COL21A1: variants seen among roughly 807,000 people sequenced by gnomAD.
The protein encoded by COL21A1 is collagen alpha-1(XXI) chain.
COL21A1 carries 149 observed loss-of-function variants against 137.9 expected under a neutral mutation model. That is an observed-to-expected ratio of 1.08 (90% CI 0.95 to 1.24). The LOEUF (loss-of-function observed/expected upper bound fraction) is 1.24. Among genes scored for constraint, COL21A1 ranks in the 50% most tolerant of loss-of-function variants. The probability of loss-of-function intolerance (pLI) is 0.00; values close to 1 mark genes in which losing one functional copy is unlikely to be tolerated. For missense variants in COL21A1, 1,167 were observed against 1,158.4 expected (o/e 1.01, Z -0.11); for synonymous variants, 456 against 391.5 (o/e 1.16, Z -1.95).
At chr6:56,297,503 A>G (rs1324111143) in intron 1 of COL21A1, among the ~76,000 whole-genome samples, 1 of 152,126 alleles carries the variant, frequency 6.6e-6, no homozygotes, top group Non-Finnish European at 1.5e-5. Context: ...ATGTTCTGGC[A>G]TATTGTGAAA....
chr6:56,257,667 G>T (rs1582736824), intron 1 of COL21A1, among the ~76,000 whole-genome samples: 1 of 152,036 alleles, frequency 6.6e-6, no homozygotes, highest in Non-Finnish European at 1.5e-5. Flanking sequence ...TCCTGTGAAA[G>T]CAGCCACAGA....
At position 56,166,997 on chromosome 6, in the gene COL21A1, C is replaced by T; in HGVS notation, c.1201-14G>A. The stretch of plus-strand genomic sequence containing the variant: ...TTGGACATCAAACTAAGAACATAAA[C>T]CCAGTAGAATTAAAGTTGAGGCACA... On this transcript the variant is annotated splice_polypyrimidine_tract_variant and intron_variant, in intron 6 of 29. Coordinates refer to ENST00000244728, the MANE Select transcript of COL21A1 (RefSeq NM_030820.4). The T allele has an allele frequency of 6.3e-7, 1 of 1,599,916 alleles. No homozygotes were observed.
intron 1 of COL21A1, among the ~76,000 whole-genome samples, chr6:56,291,461 C>A (rs1764040832): frequency 6.6e-6 from 1 of 152,236 alleles, no homozygotes; most frequent in African/African-American, 2.4e-5. Flanking sequence ...CAGGCGGATG[C>A]CTTCTCCCAC....
chr6:56,081,224 C>T (rs1469625792), intron 17 of COL21A1, among the ~76,000 whole-genome samples: 1 of 151,626 alleles, frequency 6.6e-6, no homozygotes, highest in Non-Finnish European at 1.5e-5. Context: ...CCTCTTTCTC[C>T]ATTGTAAGGC....
Position 56,159,634 on chromosome 6 carries a change from C to CTT in COL21A1, c.1372-2687_1372-2686dup, listed in dbSNP as rs11449474. ...GTGTAAGCCACCATGCCTGGCCTTACTTTTTTTTTTTTTTTTTTTTGGTAC... is the reference window on the plus strand; with the variant it reads ...GTGTAAGCCACCATGCCTGGCCTTACTTTTTTTTTTTTTTTTTTTTTTGGTAC... On this transcript the variant is annotated intron_variant, in intron 9 of 29. Transcript: ENST00000244728. Among the ~76,000 whole-genome samples the CTT allele has an allele frequency of 8.8e-3, 1,087 of 123,508 alleles. 14 individuals carry two copies. Among genetic ancestry groups the CTT allele is most frequent in the African/African-American group, 0.02 (657 of 32,648 alleles). The allele number at this position is 123,508 out of a possible 152,430, so 81.0% of individuals were successfully genotyped here.
chr6:56,324,455 A>G (rs943232018), intron 1 of COL21A1, among the ~76,000 whole-genome samples: 4 of 152,054 alleles, frequency 2.6e-5, no homozygotes, highest in Non-Finnish European at 5.9e-5. Flanking sequence ...GTTGCCTTGA[A>G]TCGTCAGCAG....
At chr6:56,178,096 A>AG (rs1357332725) in intron 3 of COL21A1, among the ~76,000 whole-genome samples, 1 of 152,180 alleles carries the variant, frequency 6.6e-6, no homozygotes, top group Non-Finnish European at 1.5e-5. Context: ...ACAGATCCAC[A>AG]GAAAAAGTCT....
At chr6:56,263,505 G>A (rs181425800) in intron 1 of COL21A1, among the ~76,000 whole-genome samples, 93 of 152,318 alleles carry the variant, frequency 6.1e-4, no homozygotes, top group Admixed American at 3.1e-3. Context: ...GGTATCAAGC[G>A]TTGGAAGCTT....
intron 10 of COL21A1, among the ~76,000 whole-genome samples, chr6:56,146,174 A>G (rs1774820446): frequency 6.6e-6 from 1 of 152,146 alleles, no homozygotes; most frequent in Non-Finnish European, 1.5e-5. Flanking sequence ...AATTCCAAAG[A>G]AATAATTTTG....
intron 1 of COL21A1, among the ~76,000 whole-genome samples, chr6:56,375,878 T>A (rs192919328): frequency 1.3e-5 from 2 of 152,330 alleles, no homozygotes; most frequent in East Asian, 3.9e-4. Context: ...CATGTTCTTA[T>A]GTGGCCTCCA....
intron 1 of COL21A1, among the ~76,000 whole-genome samples, chr6:56,353,385 C>T (rs3950165): frequency 0.16 from 24,708 of 152,002 alleles, 2,143 homozygotes; most frequent in Non-Finnish European, 0.18. Flanking sequence ...TGAAGAACCC[C>T]ACCACTTCCA....
At chr6:56,120,412 G>A (rs866807753) in intron 16 of COL21A1, among the ~76,000 whole-genome samples, 1 of 152,334 alleles carries the variant, frequency 6.6e-6, no homozygotes, top group Middle Eastern at 3.4e-3. Flanking sequence ...TGCTGGTGAG[G>A]ATGTGGAGAA....
intron 1 of COL21A1, among the ~76,000 whole-genome samples, chr6:56,369,391 C>A (rs1443752395): frequency 6.6e-6 from 1 of 150,726 alleles, no homozygotes; most frequent in Non-Finnish European, 1.5e-5. Context: ...CAAAAGAAAT[C>A]TAAGATGTGA....
chr6:56,343,295 TAAG>T (rs1765511424), intron 1 of COL21A1, among the ~76,000 whole-genome samples: 1 of 152,204 alleles, frequency 6.6e-6, no homozygotes, highest in Non-Finnish European at 1.5e-5. Context: ...CCTTCTGCTT[TAAG>T]GAGTAGCAGT....
At position 56,060,995 on chromosome 6, in the gene COL21A1, A is replaced by G. The variant is rs561341748; in HGVS notation, c.2248T>C (p.Ser750Pro). 72 of 1,610,052 alleles carry G rather than the reference A, an allele frequency of 4.5e-5. No individual in the cohort carries two copies. Among genetic ancestry groups the G allele is most frequent in the Non-Finnish European group, 6.1e-5 (72 of 1,178,420 alleles). ...GEPGVRGAIG[S>P]KGESGVDGLM... The stretch of plus-strand genomic sequence containing the variant: ...CCATCCACCCCAGATTCTCCTTTTG[A>G]TCCAATGGCACCTCGGACACCAGGT... The change falls in exon 26 of 30, where the codon TCA becomes CCA. Residue 750 changes from serine to proline, a missense_variant. Physicochemically the swap from Ser to Pro is moderately conservative, Grantham distance 74. Coordinates refer to ENST00000244728, the MANE Select transcript of COL21A1 (RefSeq NM_030820.4).
At chr6:56,098,568 TATATATAAATATATATAA>T (rs1562193184) in intron 17 of COL21A1, among the ~76,000 whole-genome samples, 1 of 14,672 alleles carries the variant, frequency 6.8e-5, no homozygotes, top group Non-Finnish European at 1.1e-4. Context: ...AATATATAAA[TATATATAAATATATATAA>T]ATATATAAAT....
At chr6:56,204,090 GT>G (rs2152300265) in intron 1 of COL21A1, among the ~76,000 whole-genome samples, 1 of 152,052 alleles carries the variant, frequency 6.6e-6, no homozygotes, top group African/African-American at 2.4e-5. Flanking sequence ...GTTTGTTTTT[GT>G]TTTTTTAATA....
intron 1 of COL21A1, among the ~76,000 whole-genome samples, chr6:56,229,375 A>G (rs1169203018): frequency 6.6e-6 from 1 of 151,964 alleles, no homozygotes. Context: ...CTCAAAAACA[A>G]CAGAATATGC....
At chr6:56,156,034 A>T (rs768897390) in intron 10 of COL21A1, among the ~76,000 whole-genome samples, 16 of 152,238 alleles carry the variant, frequency 1.1e-4, no homozygotes, top group Non-Finnish European at 2.1e-4. Context: ...CTTAGAGGAT[A>T]TTGTATTTTT....
Sources: allele counts gnomAD v4.1 joint callset (sites outside exome capture counted in the v4.1 genomes callset), GRCh38; gene constraint gnomAD v4.1.1; transcripts MANE v1.5; gene names NCBI Gene and HGNC (gene_info 2026-07-23, HGNC 2026-07-21).